The following ZFR2 variants were observed in gnomAD, a reference collection of about 807,000 sequenced individuals.
The protein encoded by ZFR2 is zinc finger RNA-binding protein 2.
A neutral mutation model predicts 105.7 loss-of-function variants in ZFR2; 104 were observed. That is an observed-to-expected ratio of 0.98 (90% CI 0.84 to 1.16). The LOEUF (loss-of-function observed/expected upper bound fraction) is 1.16, where lower values mean the gene tolerates loss of function less well. Among genes scored for constraint, ZFR2 ranks in the 50% most tolerant of loss-of-function variants. ZFR2 has a pLI of 0.00. For synonymous variants in ZFR2, 634 were observed against 597.7 expected (o/e 1.06, Z -0.89); for missense variants, 1,425 against 1,355.5 (o/e 1.05, Z -0.80).
At chr19:3,830,583 G>GC (rs1462581119) in intron 5 of ZFR2, among the ~76,000 whole-genome samples, 1 of 152,102 alleles carries the variant, frequency 6.6e-6, no homozygotes, top group South Asian at 2.1e-4. Flanking sequence ...GCAGGGACCG[G>GC]CCCCCCATCC....
Position 3,861,735 on chromosome 19 carries a change from G to A in ZFR2, c.53+7230C>T, listed in dbSNP as rs532771856. 6.8e-4 allele frequency among the ~76,000 whole-genome samples: 104 copies of A among 152,272 alleles called. 1 individual carries two copies. Among genetic ancestry groups the A allele is most frequent in the African/African-American group, 2.2e-3 (90 of 41,568 alleles). ...GAGATCAGGGGTTTGAGACCAGCCC[G>A]GCCAACATGGTGAAACCTCGTCTCT... On this transcript the variant is annotated intron_variant, in intron 1 of 18. Transcript: ENST00000262961.
Position 3,827,625 on chromosome 19 carries a change from T to C in ZFR2, c.881A>G (p.Lys294Arg). Residue 294 changes from lysine (K) to arginine (R), a missense_variant, in exon 6 of 19, where the codon AAG (lysine) becomes AGG (arginine). By Grantham distance (26) the Lys-to-Arg change is conservative. Transcript: ENST00000262961. ...CTGGGCCGCCTCCTTCTTTCTGTGC[T>C]TCTGCCCTCCCAGATGTTCCCGGTA... is the stretch of plus-strand genomic sequence containing the variant. ...QTYREHLGGQKHRKKEAAQKT... is the reference protein window; with the variant it reads ...QTYREHLGGQRHRKKEAAQKT... 6.3e-7 allele frequency: 1 copy of C among 1,584,162 alleles called. No individual in the cohort carries two copies. Among genetic ancestry groups the C allele is most frequent in the African/African-American group, 1.3e-5 (1 of 74,234 alleles).
chr19:3,821,562 G>T, intron 9 of ZFR2, 83 bp from the exon 10 acceptor site: 1 of 1,332,768 alleles, frequency 7.5e-7, no homozygotes. Context: ...GCAGGGAGAG[G>T]CCCAGAGACT....
intron 14 of ZFR2, among the ~76,000 whole-genome samples, chr19:3,812,467 A>G (rs1292838294): frequency 6.6e-6 from 1 of 152,026 alleles, no homozygotes; most frequent in African/African-American, 2.4e-5. Context: ...CAGGAAGTGC[A>G]CTTTCCTGGG....
At chr19:3,849,763 G>T (rs1357052246) in intron 1 of ZFR2, among the ~76,000 whole-genome samples, 1 of 152,210 alleles carries the variant, frequency 6.6e-6, no homozygotes, top group Non-Finnish European at 1.5e-5. Context: ...AAAAGAACAC[G>T]CTCTTCTTGT....
At chr19:3,821,584 G>T (rs1272072641) in intron 9 of ZFR2, 105 bp from the exon 10 acceptor site, 4 of 1,071,396 alleles carry the variant, frequency 3.7e-6, no homozygotes, top group East Asian at 2.9e-5. Flanking sequence ...GAACTGTTGG[G>T]CTGAAAAATC....
intron 1 of ZFR2, among the ~76,000 whole-genome samples, chr19:3,847,391 G>A (rs1022284431): frequency 6.6e-6 from 1 of 152,070 alleles, no homozygotes; most frequent in African/African-American, 2.4e-5. Flanking sequence ...AGGTGTGGTG[G>A]CACGTGCCTG....
At chr19:3,821,802 T>G (rs12975109) in intron 9 of ZFR2, among the ~76,000 whole-genome samples, 60,394 of 151,414 alleles carry the variant, frequency 0.4, 12,055 homozygotes, top group East Asian at 0.45. Flanking sequence ...TTAGTAAAGA[T>G]TTCACTATGT....
In ZFR2 at chr19:3,810,632, C is replaced by G. The variant is rs563054317; in HGVS notation, c.2433+118G>C. On this transcript the variant is annotated intron_variant, in intron 16 of 18. Transcript: ENST00000262961. The stretch of plus-strand genomic sequence containing the variant: ...GGACTCCCACGGCCTCTCCTGAGTA[C>G]TAGGTCTCCCGCCGGCTCCTTCGAG... 9 of 976,544 alleles carry G rather than the reference C, an allele frequency of 9.2e-6. No individual in the cohort carries two copies. The South Asian group carries it at 1.4e-4, about 15-fold the overall frequency. The allele number at this position is 976,544 out of a possible 1,614,324, so 60.5% of individuals were successfully genotyped here.
chr19:3,816,932 G>GC, intron 12 of ZFR2, 87 bp from the exon 13 acceptor site: 1 of 1,255,880 alleles, frequency 8.0e-7, no homozygotes, highest in Non-Finnish European at 1.1e-6. Flanking sequence ...CGGGGACCCT[G>GC]CAAGTTACAG....
At chr19:3,841,715 G>A (rs2145171788) in intron 1 of ZFR2, among the ~76,000 whole-genome samples, 1 of 152,114 alleles carries the variant, frequency 6.6e-6, no homozygotes, top group African/African-American at 2.4e-5. Context: ...TGAGGCGGGA[G>A]GATCGCTTGA....
chr19:3,810,968 T>C, intron 15 of ZFR2, 123 bp from the exon 16 acceptor site: 1 of 1,127,656 alleles, frequency 8.9e-7, no homozygotes, highest in Non-Finnish European at 1.3e-6. Flanking sequence ...GCCTCGAAGG[T>C]GGCGGGTGGA....
Position 3,858,813 on chromosome 19 carries a change from G to A in ZFR2, c.53+10152C>T, listed in dbSNP as rs1290355628. Among the ~76,000 whole-genome samples the A allele has an allele frequency of 6.6e-6, 1 of 152,140 alleles. No individual in the cohort carries two copies. The highest frequency in any genetic ancestry group is 1.5e-5 in the Non-Finnish European group (1 of 68,014). ...AGCCTGGGCGACAGAGTGAGACTCC[G>A]TCTCAAAAAGAAAAAACTAAAATAA... On this transcript the variant is annotated intron_variant, in intron 1 of 18. Coordinates refer to ENST00000262961, the MANE Select transcript of ZFR2 (RefSeq NM_015174.2). This position sits in a 1 kb window ranked among gnomAD's most constrained non-coding sequence, Gnocchi z 4.3.
chr19:3,842,627 C>CTT lies in ZFR2; in HGVS notation c.54-7646_54-7645dup, dbSNP rs35716661. Among the ~76,000 whole-genome samples, 11 of 142,086 alleles carry CTT rather than the reference C, an allele frequency of 7.7e-5. No homozygotes were observed. In the South Asian group the frequency reaches 1.3e-3, roughly 17 times the overall value. The allele number at this position is 142,086 out of a possible 152,430, so 93.2% of individuals were successfully genotyped here. A position where few individuals can be genotyped will look rare whatever the true frequency, so the allele number is the denominator to read the frequency against. On this transcript the variant is annotated intron_variant, in intron 1 of 18. Transcript: ENST00000262961. ...ATTTCAGAACTTTTTTTTCTTTTTT[C>CTT]TTTTTTTTTTTTTGAGACGGAGTTT...
At position 3,834,799 on chromosome 19, in the gene ZFR2, T is replaced by C. The variant is rs552802963; in HGVS notation, c.238A>G (p.Thr80Ala). 6 of 1,612,242 alleles carry C rather than the reference T, an allele frequency of 3.7e-6. No individual in the cohort carries two copies. The East Asian group carries it at 1.3e-4, about 36-fold the overall frequency. ...TGGTAGGTAGCCATGGTGGTGGCCG[T>C]GGGGACGGGCTCCTGGGGTCGGCTG... The part of the protein sequence containing the change: ...YGSRPQEPVP[T>A]ATTMATYQDS... The change falls in exon 2 of 19, where the codon ACG (threonine) becomes GCG (alanine). Residue 80 changes from threonine to alanine, a missense_variant. Transcript: ENST00000262961. This position sits in a 1 kb window ranked among gnomAD's most constrained non-coding sequence, Gnocchi z 5.3.
chr19:3,825,036 G>A (rs12611253), intron 7 of ZFR2, among the ~76,000 whole-genome samples, 194 bp downstream of exon 7: 59,774 of 152,044 alleles, frequency 0.39, 11,785 homozygotes, highest in East Asian at 0.44. Context: ...GGGTCTCCAA[G>A]GTTCAGGGCG....
At chr19:3,829,643 G>C (rs922346824) in intron 5 of ZFR2, among the ~76,000 whole-genome samples, 1 of 152,142 alleles carries the variant, frequency 6.6e-6, no homozygotes, top group African/African-American at 2.4e-5. Context: ...CTTCAAAGTG[G>C]CCAGGACTAT....
In ZFR2 at chr19:3,844,878, G is replaced by A. The variant is rs534597067; in HGVS notation, c.54-9895C>T. Among the ~76,000 whole-genome samples, 6 of 152,276 alleles carry A rather than the reference G, an allele frequency of 3.9e-5. No homozygotes were observed. The East Asian group carries it at 9.6e-4, about 24-fold the overall frequency. ...AGCTCCCCGTGGCCCACTCCCGGGG[G>A]ACTCAGTCTCTGCAGCTAGTGTCTG... On this transcript the variant is annotated intron_variant, in intron 1 of 18. Coordinates refer to ENST00000262961, the MANE Select transcript of ZFR2 (RefSeq NM_015174.2).
rs574542402 is a variant in ZFR2, at chr19:3,820,306, G to T, written c.1632-16C>A. On this transcript the variant is annotated splice_polypyrimidine_tract_variant and intron_variant, in intron 10 of 18. Transcript: ENST00000262961. ...CTCCAGCCGCCTGCAGGACCGAGACGTGACAGAGCATGGTCAGGCCAGCAG... is the reference window on the plus strand; with the variant it reads ...CTCCAGCCGCCTGCAGGACCGAGACTTGACAGAGCATGGTCAGGCCAGCAG... 2 of 1,539,568 alleles carry T rather than the reference G, an allele frequency of 1.3e-6. No individual in the cohort carries two copies. The highest frequency in any genetic ancestry group is 2.4e-5 in the South Asian group (2 of 83,912).
Sources: allele counts gnomAD v4.1 joint callset (sites outside exome capture counted in the v4.1 genomes callset), GRCh38; gene constraint gnomAD v4.1.1; non-coding constraint Gnocchi (gnomAD v3.1); transcripts MANE v1.5; gene names NCBI Gene and HGNC (gene_info 2026-07-23, HGNC 2026-07-21).